The following PALM2AKAP2 variants were observed in gnomAD, a reference collection of about 807,000 sequenced individuals.
PALM2AKAP2 encodes PALM2-AKAP2 fusion protein.
PALM2AKAP2 carries 37 observed loss-of-function variants against 71.5 expected under a neutral mutation model. The observed-to-expected ratio is 0.52, with a 90% CI of 0.40 to 0.68. The LOEUF (loss-of-function observed/expected upper bound fraction) is 0.68. Ranked by LOEUF, PALM2AKAP2 falls within the 30% of genes least tolerant of loss-of-function variation. PALM2AKAP2 has a pLI of 0.00. For missense variants in PALM2AKAP2, 1,224 were observed against 1,191.8 expected (o/e 1.03, Z -0.40); for synonymous variants, 468 against 478.8 (o/e 0.98, Z 0.29).
intron 1 of PALM2AKAP2, chr9:109,640,981 A>C: frequency 7.3e-6 from 10 of 1,362,838 alleles, no homozygotes; most frequent in Non-Finnish European, 8.6e-6. Context: ...GTTTAATTTC[A>C]GCCCCGTGTG....
At chr9:109,714,739 C>T (rs533087259) in intron 1 of PALM2AKAP2, among the ~76,000 whole-genome samples, 1 of 152,284 alleles carries the variant, frequency 6.6e-6, no homozygotes, top group African/African-American at 2.4e-5. Flanking sequence ...CAGTGGCTGG[C>T]ACTCTCAGGT....
intron 6 of PALM2AKAP2, among the ~76,000 whole-genome samples, chr9:110,014,806 G>A (rs940315463): frequency 0.015 from 633 of 41,386 alleles, 51 homozygotes; most frequent in African/African-American, 0.03. Flanking sequence ...AAAAAAAAAT[G>A]TATATATATA....
intron 7 of PALM2AKAP2, among the ~76,000 whole-genome samples, chr9:110,017,965 G>T (rs1354472189): frequency 6.6e-6 from 1 of 151,788 alleles, no homozygotes; most frequent in Non-Finnish European, 1.5e-5. Context: ...TGACCTCATG[G>T]TCCGCCTGCC....
At chr9:110,022,573 T>A (rs531340422) in intron 7 of PALM2AKAP2, among the ~76,000 whole-genome samples, 84 of 149,548 alleles carry the variant, frequency 5.6e-4, no homozygotes, top group African/African-American at 1.7e-3. Flanking sequence ...TATTTTTATT[T>A]TATTTTATTT....
chr9:110,085,916 G>A (rs749372045), intron 1 of PALM2AKAP2, among the ~76,000 whole-genome samples: 2 of 152,108 alleles, frequency 1.3e-5, no homozygotes, highest in African/African-American at 2.4e-5. Flanking sequence ...AGGCCAGACT[G>A]GCCAAAATGT....
intron 1 of PALM2AKAP2, among the ~76,000 whole-genome samples, chr9:109,718,513 T>C (rs1374970116): frequency 6.6e-6 from 1 of 152,212 alleles, no homozygotes; most frequent in Non-Finnish European, 1.5e-5. Flanking sequence ...ACTGTCTGGA[T>C]GTGGACTGTG....
intron 1 of PALM2AKAP2, among the ~76,000 whole-genome samples, chr9:110,096,446 T>TATTTATTTATTTATTTATTTATTA (rs551422085): frequency 0.016 from 2,405 of 151,840 alleles, 59 homozygotes; most frequent in African/African-American, 0.055. Context: ...TTTATTTATT[T>TATTTATTTATTTATTTATTTATTA]ATTAAGATGG....
chr9:110,013,334 T>C (rs1052277478), intron 6 of PALM2AKAP2, among the ~76,000 whole-genome samples: 6 of 152,210 alleles, frequency 3.9e-5, no homozygotes, highest in Non-Finnish European at 5.9e-5. Context: ...TGCTGAACAG[T>C]AATTCAGACT....
exon 4 of PALM2AKAP2, chr9:110,172,328 G>C (rs1724628310): frequency 6.6e-6 from 1 of 152,272 alleles, no homozygotes; most frequent in African/African-American, 2.4e-5. Context: ...TCTTTTTTTG[G>C]GGGAGGAGGG....
intron 7 of PALM2AKAP2, among the ~76,000 whole-genome samples, chr9:110,021,650 A>G (rs970913016): frequency 6.6e-6 from 1 of 151,894 alleles, no homozygotes; most frequent in African/African-American, 2.4e-5. Context: ...TATATTTATC[A>G]TCCTTCACTG....
At chr9:109,805,120 T>C (rs1428619091) in intron 1 of PALM2AKAP2, among the ~76,000 whole-genome samples, 1 of 152,224 alleles carries the variant, frequency 6.6e-6, no homozygotes, top group South Asian at 2.1e-4. Flanking sequence ...AAGAAACAGC[T>C]TAAGGGTTTT....
intron 2 of PALM2AKAP2, among the ~76,000 whole-genome samples, chr9:110,146,381 C>T (rs1192002227): frequency 2.0e-5 from 3 of 152,164 alleles, no homozygotes; most frequent in African/African-American, 4.8e-5. Flanking sequence ...CAGATAGATC[C>T]GTGTGTCTGG....
chr9:109,656,939 A>G (rs1827316425), intron 1 of PALM2AKAP2, among the ~76,000 whole-genome samples: 1 of 152,294 alleles, frequency 6.6e-6, no homozygotes, highest in Admixed American at 6.5e-5. Flanking sequence ...AATATTGTCA[A>G]TCATTTGAGT....
At chr9:110,113,612 C>T (rs894670899) in intron 1 of PALM2AKAP2, among the ~76,000 whole-genome samples, 1 of 151,936 alleles carries the variant, frequency 6.6e-6, no homozygotes, top group Non-Finnish European at 1.5e-5. Context: ...CAACTTCTGC[C>T]TCCCGGATTC....
chr9:109,996,149 A>G (rs1173894427), intron 6 of PALM2AKAP2, among the ~76,000 whole-genome samples: 1 of 152,244 alleles, frequency 6.6e-6, no homozygotes, highest in Non-Finnish European at 1.5e-5. Flanking sequence ...AACTAGATCC[A>G]AGACAGTGAC....
intron 1 of PALM2AKAP2, among the ~76,000 whole-genome samples, chr9:110,106,461 T>C (rs761332649): frequency 3.9e-5 from 6 of 152,238 alleles, no homozygotes; most frequent in Non-Finnish European, 5.9e-5. Flanking sequence ...GCTGGTCTTA[T>C]CATTGTTGCT....
intron 1 of PALM2AKAP2, among the ~76,000 whole-genome samples, chr9:110,073,958 C>T (rs1426232072): frequency 6.6e-6 from 1 of 152,078 alleles, no homozygotes; most frequent in African/African-American, 2.4e-5. Context: ...AATATAGTAA[C>T]TTGGCAGTAG....
intron 1 of PALM2AKAP2, among the ~76,000 whole-genome samples, chr9:109,848,158 T>C (rs1470365211): frequency 1.3e-5 from 2 of 152,240 alleles, no homozygotes; most frequent in Non-Finnish European, 2.9e-5. Flanking sequence ...CCTATATTGA[T>C]GATACTTCTT....
Position 109,821,310 on chromosome 9 carries a change from A to G in PALM2AKAP2, c.45+40777A>G, listed in dbSNP as rs895093407. Among the ~76,000 whole-genome samples the G allele has an allele frequency of 2.0e-5, 3 of 152,352 alleles. No homozygotes were observed. In the South Asian group the frequency reaches 6.2e-4, roughly 32 times the overall value. ...ACAAACCTGCACATTGTACACATGT[A>G]CCCTAGAACTGAAATTATAATGAAA... On this transcript the variant is annotated intron_variant, in intron 1 of 9. Coordinates refer to the PALM2AKAP2 transcript ENST00000302798.
Sources: allele counts gnomAD v4.1 joint callset (sites outside exome capture counted in the v4.1 genomes callset), GRCh38; gene constraint gnomAD v4.1.1; transcripts MANE v1.5; gene names NCBI Gene and HGNC (gene_info 2026-07-23, HGNC 2026-07-21).